The following SUGCT variants were observed in gnomAD, a reference collection of about 807,000 sequenced individuals.
SUGCT encodes the protein succinyl-CoA:glutarate-CoA transferase.
In SUGCT, 41 loss-of-function variants were observed where a neutral mutation model predicts 55.0. That is an observed-to-expected ratio of 0.74 (90% confidence interval 0.58 to 0.97). The LOEUF (loss-of-function observed/expected upper bound fraction) is 0.97, where lower values mean the gene tolerates loss of function less well. Ranked by LOEUF, SUGCT falls within the 50% of genes least tolerant of loss-of-function variation. SUGCT has a pLI of 0.00. For missense variants in SUGCT, 568 were observed against 547.8 expected (o/e 1.04, Z -0.37); for synonymous variants, 187 against 200.4 (o/e 0.93, Z 0.56).
chr7:40,980,354 T>G, the SUGCT span, among the ~76,000 whole-genome samples: 23 of 152,198 alleles, frequency 1.5e-4, no homozygotes, highest in Admixed American at 8.5e-4. Context: ...TCTATAGTAT[T>G]GCATCCCTTT....
At chr7:40,818,787 C>A (rs1791814076) in intron 13 of SUGCT, among the ~76,000 whole-genome samples, 1 of 151,948 alleles carries the variant, frequency 6.6e-6, no homozygotes, top group African/African-American at 2.4e-5. Context: ...ACTTTAAGTT[C>A]TAGGGTACAT....
At chr7:40,775,897 A>G (rs1225027782) in intron 13 of SUGCT, among the ~76,000 whole-genome samples, 1 of 152,178 alleles carries the variant, frequency 6.6e-6, no homozygotes, top group Non-Finnish European at 1.5e-5. Context: ...TGCCTCTGGA[A>G]TTGTTACTTT....
the SUGCT span, among the ~76,000 whole-genome samples, chr7:41,015,361 A>G: frequency 6.6e-6 from 1 of 152,200 alleles, no homozygotes; most frequent in African/African-American, 2.4e-5. Flanking sequence ...ATAAATTAGA[A>G]CAGGCTGTTG....
At chr7:40,887,426 G>A in the SUGCT span, among the ~76,000 whole-genome samples, 2 of 152,198 alleles carry the variant, frequency 1.3e-5, no homozygotes, top group Non-Finnish European at 2.9e-5. Context: ...GAGTCATGGA[G>A]ACAAGTATAG....
intron 12 of SUGCT, among the ~76,000 whole-genome samples, chr7:40,614,149 A>G (rs994788544): frequency 1.3e-5 from 2 of 151,624 alleles, no homozygotes; most frequent in Non-Finnish European, 2.9e-5. Flanking sequence ...TAACTACATT[A>G]TCCAATTGAC....
At chr7:40,831,130 G>A (rs973362648) in intron 13 of SUGCT, among the ~76,000 whole-genome samples, 5 of 152,224 alleles carry the variant, frequency 3.3e-5, no homozygotes, top group East Asian at 3.9e-4. Flanking sequence ...CTCATGCCAC[G>A]GCCTGTGCTT....
At chr7:40,967,150 C>T in the SUGCT span, 1 of 152,196 alleles carries the variant, frequency 6.6e-6, no homozygotes, top group African/African-American at 2.4e-5. Flanking sequence ...TGAGAAAAGA[C>T]TCACCCTGTG....
chr7:40,312,684 A>G (rs993708249), intron 8 of SUGCT, among the ~76,000 whole-genome samples: 1 of 152,192 alleles, frequency 6.6e-6, no homozygotes, highest in Non-Finnish European at 1.5e-5. Flanking sequence ...CGGGGGCAGG[A>G]AATATAATCT....
At chr7:40,237,776 A>C in intron 7 of SUGCT, 50 bp downstream of exon 7, 1 of 1,519,650 alleles carries the variant, frequency 6.6e-7, no homozygotes, top group Admixed American at 1.7e-5. Flanking sequence ...TACATATTCC[A>C]AAAGGATTTT....
chr7:40,818,243 A>C (rs1425419805), intron 13 of SUGCT, among the ~76,000 whole-genome samples: 1 of 152,178 alleles, frequency 6.6e-6, no homozygotes, highest in Non-Finnish European at 1.5e-5. Flanking sequence ...TTGTTACTCT[A>C]TGGAGGTCTA....
At chr7:40,208,932 C>T (rs1787166599) in intron 6 of SUGCT, among the ~76,000 whole-genome samples, 1 of 152,160 alleles carries the variant, frequency 6.6e-6, no homozygotes, top group African/African-American at 2.4e-5. Flanking sequence ...GTATAGGATA[C>T]ATACTTGTTA....
intron 12 of SUGCT, among the ~76,000 whole-genome samples, chr7:40,733,396 T>C (rs1335797317): frequency 6.6e-6 from 1 of 152,162 alleles, no homozygotes; most frequent in African/African-American, 2.4e-5. Flanking sequence ...ATAGTTCTCC[T>C]TAATCTCCTG....
the SUGCT span, among the ~76,000 whole-genome samples, chr7:41,029,963 C>T: frequency 4.6e-3 from 695 of 152,290 alleles, 4 homozygotes; most frequent in Non-Finnish European, 8.3e-3. Flanking sequence ...TTTATTATCT[C>T]TATAGCTTTT....
intron 12 of SUGCT, among the ~76,000 whole-genome samples, chr7:40,712,818 G>A (rs901820852): frequency 1.1e-4 from 17 of 152,304 alleles, no homozygotes; most frequent in African/African-American, 3.4e-4. Context: ...TTCAGAGTGC[G>A]CTGCCATTAT....
At chr7:40,986,142 A>G in the SUGCT span, among the ~76,000 whole-genome samples, 1 of 152,218 alleles carries the variant, frequency 6.6e-6, no homozygotes, top group African/African-American at 2.4e-5. Context: ...TGGTGAGTTA[A>G]TAAGTTATTA....
At chr7:40,265,211 A>T (rs1000666488) in intron 7 of SUGCT, among the ~76,000 whole-genome samples, 2 of 152,246 alleles carry the variant, frequency 1.3e-5, no homozygotes, top group Non-Finnish European at 2.9e-5. Flanking sequence ...AGGGACACAT[A>T]CATTTAAGAA....
the SUGCT span, among the ~76,000 whole-genome samples, chr7:40,949,044 T>C: frequency 0.33 from 50,472 of 152,182 alleles, 8,823 homozygotes; most frequent in African/African-American, 0.44. Context: ...TCTTCCACTA[T>C]GGTTGAAGTA....
chr7:40,797,591 C>T (rs1398061204), intron 13 of SUGCT, among the ~76,000 whole-genome samples: 1 of 152,174 alleles, frequency 6.6e-6, no homozygotes, highest in Non-Finnish European at 1.5e-5. Flanking sequence ...TCCATTCCTA[C>T]ATTTTCTATC....
At chr7:41,027,891 G>C in the SUGCT span, among the ~76,000 whole-genome samples, 1 of 152,176 alleles carries the variant, frequency 6.6e-6, no homozygotes. Flanking sequence ...CCAAGCATCC[G>C]AAACAGTACA....
Sources: allele counts gnomAD v4.1 joint callset (sites outside exome capture counted in the v4.1 genomes callset), GRCh38; gene constraint gnomAD v4.1.1; transcripts MANE v1.5; gene names NCBI Gene and HGNC (gene_info 2026-07-23, HGNC 2026-07-21).